The following SPATA33 variants were observed in gnomAD, a reference collection of about 807,000 sequenced individuals.
SPATA33 encodes the protein spermatogenesis-associated protein 33.
In SPATA33, 10 loss-of-function variants were observed where a neutral mutation model predicts 8.9. The ratio of observed to expected loss-of-function variants is 1.12; its 90% confidence interval spans 0.69 to 1.90. SPATA33 has a LOEUF of 1.90. Ranked by LOEUF, SPATA33 falls within the 40% of genes most tolerant of loss-of-function variation. The pLI, the probability that SPATA33 is intolerant of heterozygous loss-of-function variation, is 0.00. For synonymous variants in SPATA33, 96 were observed against 72.8 expected (o/e 1.32, Z -1.63); for missense variants, 241 against 178.3 (o/e 1.35, Z -2.00).
chr16:89,662,183 A>G (rs2059973665), intron 2 of SPATA33, among the ~76,000 whole-genome samples: 1 of 151,810 alleles, frequency 6.6e-6, no homozygotes, highest in Middle Eastern at 3.4e-3. Flanking sequence ...AATTCCAACT[A>G]CTTTGGAGGC....
intron 2 of SPATA33, among the ~76,000 whole-genome samples, chr16:89,667,819 T>C (rs2060046559): frequency 6.6e-6 from 1 of 152,008 alleles, no homozygotes; most frequent in South Asian, 2.1e-4. Flanking sequence ...CGACTTGGCC[T>C]CTCTGCCTCC....
intron 2 of SPATA33, chr16:89,660,654 C>G (rs2059955163): frequency 2.2e-6 from 2 of 913,872 alleles, no homozygotes; most frequent in African/African-American, 3.4e-5. Context: ...ACTCATGTTG[C>G]AGTTCCCTTT....
In SPATA33 at chr16:89,658,312, G is replaced by A; in HGVS notation, c.102G>A (p.Lys34=). The stretch of plus-strand genomic sequence containing the variant: ...AATCTAAGGAGAAGTTGATGGAGAA[G>A]CATTCCCAGGAAGCCAGGCAGGCAG... ...VPKSKEKLME[K]HSQEARQADR... Residue 34 remains lysine, a synonymous_variant, in exon 2 of 3, where the codon AAG becomes AAA. Coordinates refer to ENST00000579310, the MANE Select transcript of SPATA33 (RefSeq NM_001271907.2). The A allele has an allele frequency of 6.2e-7, 1 of 1,614,144 alleles. No individual in the cohort carries two copies. Among genetic ancestry groups the A allele is most frequent in the South Asian group, 1.1e-5 (1 of 91,088 alleles).
chr16:89,660,403 G>A (rs896834309), intron 2 of SPATA33: 12 of 1,157,120 alleles, frequency 1.0e-5, no homozygotes, highest in African/African-American at 4.8e-5. Flanking sequence ...AAGGAGGACC[G>A]CCTGTTGGAA....
chr16:89,661,295 G>C, intron 2 of SPATA33: 1 of 782,996 alleles, frequency 1.3e-6, no homozygotes, highest in Non-Finnish European at 1.5e-6. Context: ...TGAATTATGG[G>C]GGCAGGTCTT....
rs2059913581 is a variant in SPATA33, at chr16:89,658,368, T to C, written c.158T>C (p.Leu53Pro). The C allele has an allele frequency of 2.5e-6, 4 of 1,613,136 alleles. No homozygotes were observed. The highest frequency in any genetic ancestry group is 3.4e-6 in the Non-Finnish European group (4 of 1,179,948). ...GAGTCGGAGAAGCCTGTGGACAGCC[T>C]CCACCCGGGGGCCGGGACAGCCAAG... ...DRESEKPVDS[L>P]HPGAGTAKHP... is the part of the protein sequence containing the mutation. The change falls in exon 2 of 3, where the codon CTC (leucine) becomes CCC (proline). Residue 53 changes from leucine to proline, a missense_variant. Coordinates refer to ENST00000579310, the MANE Select transcript of SPATA33 (RefSeq NM_001271907.2).
At chr16:89,665,308 T>C (rs556513403) in intron 2 of SPATA33, among the ~76,000 whole-genome samples, 62 of 145,696 alleles carry the variant, frequency 4.3e-4, no homozygotes, top group African/African-American at 1.3e-3. Context: ...GATTAATATT[T>C]CTTTTTTTTT....
chr16:89,666,381 C>G (rs396452), intron 2 of SPATA33, among the ~76,000 whole-genome samples: 1 of 151,952 alleles, frequency 6.6e-6, no homozygotes, highest in East Asian at 1.9e-4. Flanking sequence ...AAGAAAATGG[C>G]CGGCACAGTG....
Position 89,669,934 on chromosome 16 carries a change from G to A in SPATA33, c.*437G>A, listed in dbSNP as rs1468347901. The A allele has an allele frequency of 7.3e-6, 1 of 136,448 alleles. No homozygotes were observed. The highest frequency in any genetic ancestry group is 3.6e-5 in the African/African-American group (1 of 27,516). 8.5% of individuals were successfully genotyped at this position (136,448 alleles called of 1,614,324 possible). ...GTGCTCTCGGGGAGGGTGCACCAGGGCTGCCCCACGCTGTAAGAAGCCGCC... is the reference window on the plus strand; with the variant it reads ...GTGCTCTCGGGGAGGGTGCACCAGGACTGCCCCACGCTGTAAGAAGCCGCC... On this transcript the variant is annotated 3_prime_UTR_variant, in exon 3 of 3. Coordinates refer to ENST00000579310, the MANE Select transcript of SPATA33 (RefSeq NM_001271907.2).
rs528730443 is a variant in SPATA33, at chr16:89,662,762, C to T, written c.211+4341C>T. On this transcript the variant is annotated intron_variant, in intron 2 of 2. Transcript: ENST00000579310. The stretch of plus-strand genomic sequence containing the variant: ...CTGGGATCACAGGCGTGAGCCACCA[C>T]GCCCAGCCTGTTTGAACACTTTTGT... Among the ~76,000 whole-genome samples the T allele has an allele frequency of 7.9e-5, 12 of 151,754 alleles. No homozygotes were observed. In the East Asian group the frequency reaches 1.4e-3, roughly 17 times the overall value.
chr16:89,669,599 G>A lies in SPATA33; in HGVS notation c.*102G>A. ...CGAGGCCCCTTCTCCAGTGCTCTCG[G>A]GGAGGTTGCACCAGGCCCACCCCAC... is the stretch of plus-strand genomic sequence containing the variant. On this transcript the variant is annotated 3_prime_UTR_variant, in exon 3 of 3. Transcript: ENST00000579310. The A allele has an allele frequency of 8.1e-7, 1 of 1,239,344 alleles. No homozygotes were observed. Among genetic ancestry groups the A allele is most frequent in the African/African-American group, 1.5e-5 (1 of 66,072 alleles). 76.8% of individuals were successfully genotyped at this position (1,239,344 alleles called of 1,614,324 possible).
chr16:89,658,329 G>C lies in SPATA33; in HGVS notation c.119G>C (p.Arg40Thr). The C allele has an allele frequency of 6.2e-7, 1 of 1,614,128 alleles. No homozygotes were observed. Among genetic ancestry groups the C allele is most frequent in the Non-Finnish European group, 8.5e-7 (1 of 1,180,048 alleles). The change falls in exon 2 of 3, where the codon AGG (arginine) becomes ACG (threonine). Residue 40 changes from arginine (R) to threonine (T), a missense_variant. Coordinates refer to ENST00000579310, the MANE Select transcript of SPATA33 (RefSeq NM_001271907.2). ...ATGGAGAAGCATTCCCAGGAAGCCA[G>C]GCAGGCAGACAGGGAGTCGGAGAAG... Reference protein sequence around the residue: ...KLMEKHSQEARQADRESEKPV... With the variant: ...KLMEKHSQEATQADRESEKPV...
rs748068250 is a variant in SPATA33, at chr16:89,657,886, C to T, written c.-26C>T. On this transcript the variant is annotated 5_prime_UTR_variant, in exon 1 of 3. Coordinates refer to ENST00000579310, the MANE Select transcript of SPATA33 (RefSeq NM_001271907.2). Reference sequence around the variant, plus strand: ...GCGGAGGTGTGGGGACCCGGGCTTGCGTCGGAGGGGGCGGTGGGCTCACCC... The same window carrying T: ...GCGGAGGTGTGGGGACCCGGGCTTGTGTCGGAGGGGGCGGTGGGCTCACCC... The T allele has an allele frequency of 8.6e-6, 13 of 1,515,430 alleles. No individual in the cohort carries two copies. Among genetic ancestry groups the T allele is most frequent in the African/African-American group, 5.7e-5 (4 of 69,620 alleles). The allele number at this position is 1,515,430 out of a possible 1,614,324, so 93.9% of individuals were successfully genotyped here.
chr16:89,664,164 T>C (rs1039865583), intron 2 of SPATA33, among the ~76,000 whole-genome samples: 3 of 152,186 alleles, frequency 2.0e-5, no homozygotes, highest in Non-Finnish European at 4.4e-5. Flanking sequence ...AGAATTTGAC[T>C]GCGTTAAAAT....
Position 89,669,421 on chromosome 16 carries a change from C to G in SPATA33, c.347C>G (p.Pro116Arg). ...GACCAGCAGAGAACCATTCGGGAGC[C>G]GGAGGACTGGGGCCCCTACCGGCGG... ...GSDQQRTIRE[P>R]EDWGPYRRHR... Residue 116 changes from proline (P) to arginine (R), a missense_variant, in exon 3 of 3, where the codon CCG becomes CGG. By Grantham distance (103) the Pro-to-Arg change is moderately radical. Transcript: ENST00000579310. 6.2e-7 allele frequency: 1 copy of G among 1,614,068 alleles called. No individual in the cohort carries two copies. Among genetic ancestry groups the G allele is most frequent in the South Asian group, 1.1e-5 (1 of 91,078 alleles).
chr16:89,659,086 C>G (rs2059928250), intron 2 of SPATA33: 1 of 148,578 alleles, frequency 6.7e-6, no homozygotes, highest in South Asian at 2.1e-4. Context: ...ATCTTTTGAG[C>G]CCAGGAGTTC....
In SPATA33 at chr16:89,657,928, G is replaced by C; in HGVS notation, c.17G>C (p.Ser6Thr). The stretch of plus-strand genomic sequence containing the variant: ...GGCTCACCCATGGGCCTTTCCAAAA[G>C]CAAAGAGAAACCCAGGAAAGGTAAA... MGLSK[S>T]KEKPRKGEEQ... is the part of the protein sequence containing the mutation. The change falls in exon 1 of 3, where the codon AGC (serine) becomes ACC (threonine). Residue 6 changes from serine to threonine, a missense_variant. Physicochemically the swap from Ser to Thr is moderately conservative, Grantham distance 58 (BLOSUM62 1). Coordinates refer to ENST00000579310, the MANE Select transcript of SPATA33 (RefSeq NM_001271907.2). The C allele has an allele frequency of 6.6e-7, 1 of 1,518,560 alleles. No individual in the cohort carries two copies. The highest frequency in any genetic ancestry group is 8.8e-7 in the Non-Finnish European group (1 of 1,140,246). The allele number at this position is 1,518,560 out of a possible 1,614,324, so 94.1% of individuals were successfully genotyped here. A position where few individuals can be genotyped will look rare whatever the true frequency, so the allele number is the denominator to read the frequency against.
At chr16:89,657,803 T>A, upstream of SPATA33, 1 of 1,486,130 alleles carries the variant, frequency 6.7e-7, no homozygotes, top group Non-Finnish European at 8.9e-7. Context: ...GCGGTCGCCA[T>A]GGTGACGCAC....
chr16:89,668,589 G>T (rs1235260150), intron 2 of SPATA33, among the ~76,000 whole-genome samples: 1 of 151,694 alleles, frequency 6.6e-6, no homozygotes, highest in East Asian at 1.9e-4. Flanking sequence ...GGGCGGCTGT[G>T]CCCGAGCTCG....
Sources: gnomAD v4.1 joint callset for allele counts (sites outside exome capture counted in the v4.1 genomes callset) on GRCh38, gnomAD v4.1.1 for gene constraint, MANE v1.5 for transcripts, NCBI Gene and HGNC (gene_info 2026-07-23, HGNC 2026-07-21) for gene names.